IFT57: variants seen among roughly 807,000 people sequenced by gnomAD.
The protein encoded by IFT57 is intraflagellar transport protein 57 homolog.
In IFT57, 59 loss-of-function variants were observed where a neutral mutation model predicts 56.8. The ratio of observed to expected loss-of-function variants is 1.04; its 90% CI spans 0.84 to 1.29. The LOEUF (loss-of-function observed/expected upper bound fraction) is 1.29. IFT57 is among the 50% of genes most tolerant of loss of function. The pLI is 0.00. For synonymous variants in IFT57, 209 were observed against 186.1 expected (o/e 1.12, Z -1.00); for missense variants, 470 against 522.1 (o/e 0.90, Z 0.97).
At chr3:108,218,811 T>C (rs2107223356) in intron 2 of IFT57, among the ~76,000 whole-genome samples, 158 bp from the exon 3 acceptor site, 1 of 152,316 alleles carries the variant, frequency 6.6e-6, no homozygotes, top group Admixed American at 6.5e-5. Flanking sequence ...TTTCAAGTCT[T>C]TGTAACCCAT....
At chr3:108,207,912 G>T (rs61705621) in intron 4 of IFT57, among the ~76,000 whole-genome samples, 1 of 151,988 alleles carries the variant, frequency 6.6e-6, no homozygotes, top group Non-Finnish European at 1.5e-5. Flanking sequence ...GCGTGGTGGC[G>T]GGCGCCTGTA....
At chr3:108,178,190 T>A (rs894499470) in intron 6 of IFT57, among the ~76,000 whole-genome samples, 3 of 151,926 alleles carry the variant, frequency 2.0e-5, no homozygotes, top group Admixed American at 2.0e-4. Context: ...GGTGAAAGAA[T>A]AACCTTTTCA....
At chr3:108,208,338 A>G (rs1361304370) in intron 4 of IFT57, among the ~76,000 whole-genome samples, 1 of 152,216 alleles carries the variant, frequency 6.6e-6, no homozygotes, top group Non-Finnish European at 1.5e-5. Context: ...ACCAGAGTAA[A>G]TGATTCAAAT....
chr3:108,205,747 A>ATATAACATATTATATAATATATAAAATAT (rs1276837324), intron 5 of IFT57, among the ~76,000 whole-genome samples: 1 of 144,642 alleles, frequency 6.9e-6, no homozygotes, highest in Non-Finnish European at 1.5e-5. Context: ...CTTGATTAAT[A>ATATAACATATTATATAATATATAAAATAT]TATAACATAT....
intron 5 of IFT57, among the ~76,000 whole-genome samples, chr3:108,193,405 T>TA (rs1291674056): frequency 6.6e-6 from 1 of 152,250 alleles, no homozygotes; most frequent in African/African-American, 2.4e-5. Context: ...AGGGACTATA[T>TA]ATTTCTAACT....
intron 6 of IFT57, among the ~76,000 whole-genome samples, chr3:108,169,348 T>G (rs1303768578): frequency 6.6e-6 from 1 of 151,934 alleles, no homozygotes; most frequent in Non-Finnish European, 1.5e-5. Context: ...TTTTTTTTCT[T>G]GTAATTTGTC....
rs376942511 is a variant in IFT57 at position 108,167,901 on chromosome 3, T to C, written c.778-37A>G. ...GAGCACATAGAAATAATGTAAAAAA[T>C]ACTACATTTCCATCTTTCCCTACTT... is the stretch of plus-strand genomic sequence containing the variant. On this transcript the variant is annotated intron_variant, in intron 6 of 10. Transcript: ENST00000264538. 20 of 1,446,764 alleles carry C rather than the reference T, an allele frequency of 1.4e-5. No homozygotes were observed. In the African/African-American group the frequency reaches 2.4e-4, roughly 18 times the overall value. The allele number at this position is 1,446,764 out of a possible 1,614,324, so 89.6% of individuals were successfully genotyped here.
intron 6 of IFT57, among the ~76,000 whole-genome samples, chr3:108,168,599 T>C (rs1373821737): frequency 6.6e-6 from 1 of 151,968 alleles, no homozygotes; most frequent in African/African-American, 2.4e-5. Flanking sequence ...ATCTAGGTTT[T>C]AAGCCCTGCA....
chr3:108,175,005 T>G (rs999885096), intron 6 of IFT57, among the ~76,000 whole-genome samples: 7 of 151,870 alleles, frequency 4.6e-5, no homozygotes, highest in Non-Finnish European at 5.9e-5. Flanking sequence ...GCTAATTGAC[T>G]TTGGCAAAGT....
rs149255738 is a variant in IFT57 at position 108,203,660 on chromosome 3, T to C, written c.654+2968A>G. On this transcript the variant is annotated intron_variant, in intron 5 of 10. Coordinates refer to ENST00000264538, the MANE Select transcript of IFT57 (RefSeq NM_018010.4). ...TGTATTCATACAATATTATTGATTA[T>C]TGAGCAACTCCTACATACAAGACAC... Among the ~76,000 whole-genome samples the C allele has an allele frequency of 6.5e-3, 995 of 152,358 alleles. 12 individuals carry two copies. The highest frequency in any genetic ancestry group is 0.023 in the African/African-American group (948 of 41,594).
At chr3:108,177,755 A>G (rs968791487) in intron 6 of IFT57, among the ~76,000 whole-genome samples, 2 of 151,872 alleles carry the variant, frequency 1.3e-5, no homozygotes, top group African/African-American at 4.8e-5. Context: ...ATAATATCAT[A>G]CTTAATGGTG....
chr3:108,185,829 CA>C (rs1305332633), intron 6 of IFT57, among the ~76,000 whole-genome samples: 3 of 152,062 alleles, frequency 2.0e-5, no homozygotes, highest in Admixed American at 6.6e-5. Context: ...TTTAGTTGTG[CA>C]AGAAAAGGGC....
chr3:108,187,604 G>T (rs972838126), intron 6 of IFT57, among the ~76,000 whole-genome samples: 10 of 151,014 alleles, frequency 6.6e-5, no homozygotes, highest in African/African-American at 1.9e-4. Context: ...AAAAGGGGGG[G>T]AGTGTCTGAG....
At chr3:108,185,030 T>C (rs1576037407) in intron 6 of IFT57, among the ~76,000 whole-genome samples, 1 of 152,136 alleles carries the variant, frequency 6.6e-6, no homozygotes, top group East Asian at 1.9e-4. Context: ...CTGAGGATTC[T>C]TGTCATTTCA....
intron 5 of IFT57, among the ~76,000 whole-genome samples, chr3:108,197,196 T>C (rs1280899288): frequency 6.6e-6 from 1 of 152,190 alleles, no homozygotes. Flanking sequence ...GTCTCATTTA[T>C]AATTAATTAA....
rs547577673 is a variant in IFT57 at position 108,176,392 on chromosome 3, T to C, written c.778-8528A>G. ...TTTTTTAACATCATCAATCACAAAA[T>C]GAATAGGAAACCAAGTATCTTTTCT... On this transcript the variant is annotated intron_variant, in intron 6 of 10. Transcript: ENST00000264538. Among the ~76,000 whole-genome samples, 8 of 151,926 alleles carry C rather than the reference T, an allele frequency of 5.3e-5. No individual in the cohort carries two copies. The South Asian group carries it at 1.7e-3, about 31-fold the overall frequency.
chr3:108,200,481 G>A (rs2080271923), intron 5 of IFT57, among the ~76,000 whole-genome samples: 1 of 152,006 alleles, frequency 6.6e-6, no homozygotes, highest in South Asian at 2.1e-4. Context: ...AGATGGGTGG[G>A]TTTAAAAAAT....
intron 4 of IFT57, among the ~76,000 whole-genome samples, chr3:108,211,049 T>G (rs867912953): frequency 1.3e-5 from 2 of 152,336 alleles, no homozygotes; most frequent in Admixed American, 1.3e-4. Context: ...AGTTTGATTT[T>G]ATGGTCAAAT....
intron 4 of IFT57, among the ~76,000 whole-genome samples, chr3:108,210,377 A>G (rs955339673): frequency 7.7e-6 from 1 of 129,858 alleles, no homozygotes. Context: ...TCTGTTGCCC[A>G]GGCCGGACTG....
Sources: allele counts gnomAD v4.1 joint callset (sites outside exome capture counted in the v4.1 genomes callset), GRCh38; gene constraint gnomAD v4.1.1; transcripts MANE v1.5; gene names NCBI Gene and HGNC (gene_info 2026-07-23, HGNC 2026-07-21).